DPY19L3: variants seen among roughly 807,000 people sequenced by gnomAD.
DPY19L3 encodes the protein protein C-mannosyl-transferase DPY19L3.
Under a neutral mutation model 92.3 loss-of-function variants are expected in DPY19L3, and 51 were observed. The observed-to-expected ratio is 0.55, with a 90% CI of 0.44 to 0.70. The LOEUF is 0.70. Ranked by LOEUF, DPY19L3 falls within the 30% of genes least tolerant of loss-of-function variation. The pLI is 0.00. For missense variants in DPY19L3, 706 were observed against 855.9 expected, an observed-to-expected ratio of 0.82 and a Z score of 2.18; for synonymous variants, 309 against 315.2, an observed-to-expected ratio of 0.98 and a Z score of 0.21.
chr19:32,441,916 T>C (rs1969338370), intron 8 of DPY19L3, among the ~76,000 whole-genome samples: 1 of 152,250 alleles, frequency 6.6e-6, no homozygotes, highest in Admixed American at 6.5e-5. Flanking sequence ...GTTCAACTTT[T>C]ACATTTGAAA....
chr19:32,474,885 G>C (rs1157236129), intron 16 of DPY19L3, among the ~76,000 whole-genome samples: 1 of 152,160 alleles, frequency 6.6e-6, no homozygotes, highest in East Asian at 1.9e-4. Flanking sequence ...CACCACACCT[G>C]GTCTAAGTAA....
At chr19:32,467,712 T>G in intron 15 of DPY19L3, 1 of 987,464 alleles carries the variant, frequency 1.0e-6, no homozygotes, top group Non-Finnish European at 1.2e-6. Context: ...GTCATTGGTC[T>G]TCTATGCTAA....
chr19:32,444,145 T>G (rs1969412406), intron 8 of DPY19L3, among the ~76,000 whole-genome samples: 1 of 151,636 alleles, frequency 6.6e-6, no homozygotes, highest in African/African-American at 2.4e-5. Flanking sequence ...GAAATTGGAA[T>G]TATCTTACAA....
At chr19:32,426,750 A>C (rs1430147314) in intron 3 of DPY19L3, among the ~76,000 whole-genome samples, 1 of 152,230 alleles carries the variant, frequency 6.6e-6, no homozygotes, top group African/African-American at 2.4e-5. Flanking sequence ...ATCCCGTGAC[A>C]GGTATAATAA....
intron 3 of DPY19L3, chr19:32,413,029 T>A (rs1314062835): frequency 6.6e-6 from 1 of 152,206 alleles, no homozygotes; most frequent in Non-Finnish European, 1.5e-5. Context: ...CTAGAACTCC[T>A]CTTGGCATTG....
At chr19:32,442,160 A>G (rs1185854122) in intron 8 of DPY19L3, among the ~76,000 whole-genome samples, 6 of 152,164 alleles carry the variant, frequency 3.9e-5, no homozygotes, top group Non-Finnish European at 7.4e-5. Flanking sequence ...GGTAATACAA[A>G]TTCAGAGCTC....
In DPY19L3 at chr19:32,425,610, C is replaced by T. The variant is rs143157935; in HGVS notation, c.238-7106C>T. On this transcript the variant is annotated intron_variant, in intron 3 of 18. Coordinates refer to ENST00000392250, the MANE Select transcript of DPY19L3 (RefSeq NM_001172774.2). ...TCAAAATTATTCCTTGATCCATGGGCTGTAGAATAGATTTTGTGTTAGCAG... is the reference window on the plus strand; with the variant it reads ...TCAAAATTATTCCTTGATCCATGGGTTGTAGAATAGATTTTGTGTTAGCAG... Among the ~76,000 whole-genome samples, 1,113 of 151,832 alleles carry T rather than the reference C, an allele frequency of 7.3e-3. 8 individuals carry two copies. Among genetic ancestry groups the T allele is most frequent in the Non-Finnish European group, 0.01 (700 of 67,958 alleles).
At chr19:32,440,451 A>G (rs1387720175) in intron 8 of DPY19L3, among the ~76,000 whole-genome samples, 1 of 152,236 alleles carries the variant, frequency 6.6e-6, no homozygotes, top group African/African-American at 2.4e-5. Context: ...TATTGCGTAC[A>G]GTTTTAAAAT....
intron 3 of DPY19L3, among the ~76,000 whole-genome samples, chr19:32,427,371 A>G (rs1282138241): frequency 1.3e-5 from 2 of 152,228 alleles, no homozygotes; most frequent in South Asian, 2.1e-4. Context: ...TCCCCAGCAA[A>G]TAAATATGCA....
intron 16 of DPY19L3, among the ~76,000 whole-genome samples, chr19:32,476,528 CAAAAAA>C (rs71176126): frequency 3.0e-4 from 28 of 93,286 alleles, no homozygotes; most frequent in Admixed American, 5.0e-4. Context: ...CTCAGGTTTC[CAAAAAA>C]AAAAAAAAAA....
Position 32,464,132 on chromosome 19 carries a change from A to G in DPY19L3, c.1557+152A>G, listed in dbSNP as rs531504078. On this transcript the variant is annotated intron_variant, in intron 14 of 18. Coordinates refer to ENST00000392250, the MANE Select transcript of DPY19L3 (RefSeq NM_001172774.2). The stretch of plus-strand genomic sequence containing the variant: ...TTGATATATTAAGATTTTATAGGGA[A>G]TTATTTTAAAATAATTTTATTTTAA... 12 of 411,000 alleles carry G rather than the reference A, an allele frequency of 2.9e-5. No individual in the cohort carries two copies. The South Asian group carries it at 8.8e-4, about 30-fold the overall frequency. The allele number at this position is 411,000 out of a possible 1,614,324, so 25.5% of individuals were successfully genotyped here. A position where few individuals can be genotyped will look rare whatever the true frequency, so the allele number is the denominator to read the frequency against.
intron 12 of DPY19L3, among the ~76,000 whole-genome samples, chr19:32,458,814 G>A (rs116985271): frequency 0.016 from 2,433 of 152,222 alleles, 44 homozygotes; most frequent in South Asian, 0.025. Flanking sequence ...AAGACTAAGA[G>A]TACTTACTCT....
intron 2 of DPY19L3, 107 bp from the exon 3 acceptor site, chr19:32,411,132 C>G: frequency 8.3e-7 from 1 of 1,201,544 alleles, no homozygotes; most frequent in South Asian, 1.5e-5. Context: ...AAAAGCTTTC[C>G]CAGTGACAGG....
At chr19:32,457,146 A>AT (rs1281963169) in intron 10 of DPY19L3, among the ~76,000 whole-genome samples, 1 of 152,156 alleles carries the variant, frequency 6.6e-6, no homozygotes, top group African/African-American at 2.4e-5. Flanking sequence ...CTGGACCACC[A>AT]TTTTTTGACT....
chr19:32,474,863 A>G (rs550500785), intron 16 of DPY19L3, among the ~76,000 whole-genome samples: 2 of 152,326 alleles, frequency 1.3e-5, no homozygotes, highest in Admixed American at 1.3e-4. Flanking sequence ...TGCTGGGATT[A>G]CAGACATGAG....
intron 3 of DPY19L3, among the ~76,000 whole-genome samples, chr19:32,422,946 G>A (rs1968624079): frequency 6.6e-6 from 1 of 152,186 alleles, no homozygotes; most frequent in Admixed American, 6.5e-5. Flanking sequence ...AAATGCTCAA[G>A]TAAAAGAAAG....
chr19:32,450,493 C>CATAAACAGTG (rs1273165243), intron 8 of DPY19L3, among the ~76,000 whole-genome samples: 3 of 152,126 alleles, frequency 2.0e-5, no homozygotes, highest in African/African-American at 7.2e-5. Flanking sequence ...ATGCCCATAT[C>CATAAACAGTG]CCTTCCATAA....
chr19:32,446,321 A>G (rs1391005642), intron 8 of DPY19L3, among the ~76,000 whole-genome samples: 1 of 152,056 alleles, frequency 6.6e-6, no homozygotes, highest in Non-Finnish European at 1.5e-5. Flanking sequence ...GGAAGAAGGA[A>G]GCAGGAATTA....
chr19:32,411,053 C>T (rs561918106), intron 2 of DPY19L3, among the ~76,000 whole-genome samples, 186 bp from the exon 3 acceptor site: 5 of 152,246 alleles, frequency 3.3e-5, no homozygotes, highest in Admixed American at 6.5e-5. Context: ...CAGTTAGATA[C>T]GGGGTAACAG....
Sources: allele counts gnomAD v4.1 joint callset (sites outside exome capture counted in the v4.1 genomes callset), GRCh38; gene constraint gnomAD v4.1.1; transcripts MANE v1.5; gene names NCBI Gene and HGNC (gene_info 2026-07-23, HGNC 2026-07-21).